The following PPM1B variants were observed in gnomAD, a reference collection of about 807,000 sequenced individuals.
PPM1B encodes protein phosphatase 1B.
PPM1B carries 22 observed loss-of-function variants against 43.0 expected under a neutral mutation model. The observed-to-expected ratio is 0.51, with a 90% CI of 0.37 to 0.73. The LOEUF (loss-of-function observed/expected upper bound fraction) is 0.73. PPM1B is among the 30% of genes least tolerant of loss of function. PPM1B has a pLI of 0.00. For missense variants in PPM1B, 632 were observed against 584.2 expected (o/e 1.08, Z -0.84); for synonymous variants, 217 against 197.9 (o/e 1.10, Z -0.81).
At chr2:44,185,297 A>G (rs1246792719) in intron 1 of PPM1B, among the ~76,000 whole-genome samples, 2 of 152,146 alleles carry the variant, frequency 1.3e-5, no homozygotes, top group African/African-American at 2.4e-5. Context: ...ACCTTGCCCT[A>G]TGTTGAGAAC....
downstream of PPM1B, among the ~76,000 whole-genome samples, chr2:44,237,375 C>T (rs887660083): frequency 1.3e-5 from 2 of 152,226 alleles, no homozygotes; most frequent in Non-Finnish European, 2.9e-5. Flanking sequence ...CCATTTCTCA[C>T]TTCCTGCTGG....
intron 1 of PPM1B, among the ~76,000 whole-genome samples, chr2:44,174,765 T>C (rs1356258216): frequency 4.6e-5 from 7 of 152,224 alleles, no homozygotes; most frequent in Non-Finnish European, 1.0e-4. Context: ...ATTGTAGGTA[T>C]CAAGAGCACT....
At chr2:44,183,966 C>G (rs1668007322) in intron 1 of PPM1B, among the ~76,000 whole-genome samples, 1 of 152,160 alleles carries the variant, frequency 6.6e-6, no homozygotes, top group South Asian at 2.1e-4. Flanking sequence ...TCTCGATCTC[C>G]TGACCTCGTG....
Position 44,201,149 on chromosome 2 carries a change from A to C in PPM1B, c.-14-37A>C, listed in dbSNP as rs556346043. 2 of 1,519,854 alleles carry C rather than the reference A, an allele frequency of 1.3e-6. 1 individual carries two copies. Among genetic ancestry groups the C allele is most frequent in the South Asian group, 2.6e-5 (2 of 75,810 alleles). 94.1% of individuals were successfully genotyped at this position (1,519,854 alleles called of 1,614,324 possible). ...GAATATTGTACATACATTTTCTGTC[A>C]AATTTAAACATTTAACACCTGCATT... On this transcript the variant is annotated intron_variant, in intron 1 of 5. Transcript: ENST00000282412. The surrounding 1 kb of genome is among the most constrained non-coding windows in gnomAD (Gnocchi z 5.4).
At chr2:44,178,898 A>C (rs930396271) in intron 1 of PPM1B, among the ~76,000 whole-genome samples, 13 of 152,224 alleles carry the variant, frequency 8.5e-5, no homozygotes, top group Non-Finnish European at 4.4e-5. Flanking sequence ...TATTTAATCC[A>C]GTATTTCCAA....
chr2:44,205,056 C>G (rs1273047373), intron 2 of PPM1B, among the ~76,000 whole-genome samples: 2 of 152,098 alleles, frequency 1.3e-5, no homozygotes, highest in African/African-American at 2.4e-5. Context: ...TTACTGCCAA[C>G]TAATTTCGGG....
At chr2:44,185,614 T>C (rs1668082426) in intron 1 of PPM1B, among the ~76,000 whole-genome samples, 1 of 152,250 alleles carries the variant, frequency 6.6e-6, no homozygotes, top group Admixed American at 6.5e-5. Context: ...ATTATTCTTG[T>C]ATCTGGGGTC....
chr2:44,212,884 G>A (rs1669543600), intron 3 of PPM1B, among the ~76,000 whole-genome samples: 2 of 151,738 alleles, frequency 1.3e-5, no homozygotes, highest in South Asian at 4.2e-4. Context: ...GTGGTGGTGG[G>A]CGCCTGTAGT....
chr2:44,221,115 A>G (rs752652684), intron 5 of PPM1B, among the ~76,000 whole-genome samples: 3 of 152,230 alleles, frequency 2.0e-5, no homozygotes, highest in Admixed American at 1.3e-4. Flanking sequence ...AACATTTACC[A>G]TATTAGATTA....
intron 5 of PPM1B, among the ~76,000 whole-genome samples, chr2:44,226,201 T>C (rs1018376988): frequency 6.6e-5 from 10 of 151,982 alleles, no homozygotes; most frequent in Admixed American, 3.3e-4. Context: ...GGTGTCCATC[T>C]CTTGACCTCA....
chr2:44,198,176 T>G (rs867107676), intron 1 of PPM1B, among the ~76,000 whole-genome samples: 4 of 152,170 alleles, frequency 2.6e-5, no homozygotes, highest in African/African-American at 9.7e-5. Context: ...TTTGTTTGTT[T>G]TTGAGACGGA....
At position 44,209,272 on chromosome 2, in the gene PPM1B, T is replaced by G; in HGVS notation, c.909T>G (p.Asp303Glu). The change falls in exon 3 of 6, where the codon GAT becomes GAG. Residue 303 changes from aspartate to glutamate, a missense_variant. Around this residue, in one of 3 missense-constraint regions of PPM1B, gnomAD observed 392 missense variants for 302.7 expected, o/e 1.29. Transcript: ENST00000282412. ...TTTCAAATGCTCCCAAGGTCTCAGA[T>G]GAAGCGGTGAAAAAAGATTCAGAGT... ...VCFSNAPKVS[D>E]EAVKKDSELD... The G allele has an allele frequency of 2.5e-6, 4 of 1,614,062 alleles. 1 individual carries two copies. In the Middle Eastern group the frequency reaches 4.9e-4, roughly 200 times the overall value.
exon 6 of PPM1B, chr2:44,244,353 A>G: frequency 7.4e-7 from 1 of 1,358,554 alleles, no homozygotes. Flanking sequence ...GTAAACCCGA[A>G]CGAAAAATAA....
chr2:44,214,448 A>G (rs982827236), intron 3 of PPM1B, among the ~76,000 whole-genome samples: 13 of 150,548 alleles, frequency 8.6e-5, no homozygotes, highest in African/African-American at 2.9e-4. Context: ...GGTAAGGCAG[A>G]TATTTTTTCG....
chr2:44,170,243 A>T lies in PPM1B; in HGVS notation c.-15+969A>T, dbSNP rs563376195. 7.9e-5 allele frequency among the ~76,000 whole-genome samples: 12 copies of T among 152,340 alleles called. No individual in the cohort carries two copies. In the South Asian group the frequency reaches 2.3e-3, roughly 29 times the overall value. On this transcript the variant is annotated intron_variant, in intron 1 of 5. Transcript: ENST00000282412. ...CAATATTCAATTTCTTCTAAGAACA[A>T]CTTGAAAACTTTTTTAAAAAGAGAC...
Position 44,230,746 on chromosome 2 carries a change from T to A in PPM1B, c.*28T>A, listed in dbSNP as rs756564852. 2 of 1,594,006 alleles carry A rather than the reference T, an allele frequency of 1.3e-6. No homozygotes were observed. The highest frequency in any genetic ancestry group is 1.3e-5 in the African/African-American group (1 of 74,404). On this transcript the variant is annotated 3_prime_UTR_variant, in exon 6 of 6. Coordinates refer to ENST00000282412, the MANE Select transcript of PPM1B (RefSeq NM_002706.6). Reference sequence around the variant, plus strand: ...TTCCTTTTTGGTAATATTTTTGTGATCTTTGATGGTTTTTAACCTAGGAAG... The same window carrying A: ...TTCCTTTTTGGTAATATTTTTGTGAACTTTGATGGTTTTTAACCTAGGAAG...
intron 1 of PPM1B, among the ~76,000 whole-genome samples, chr2:44,198,122 T>A (rs1360782751): frequency 6.6e-6 from 1 of 152,124 alleles, no homozygotes; most frequent in Non-Finnish European, 1.5e-5. Flanking sequence ...GAGGAGAATT[T>A]TGAAGTATTT....
At chr2:44,220,450 G>A (rs1310799086) in intron 5 of PPM1B, among the ~76,000 whole-genome samples, 1 of 152,082 alleles carries the variant, frequency 6.6e-6, no homozygotes, top group Non-Finnish European at 1.5e-5. Flanking sequence ...AAACTGGGGG[G>A]AAATGCTCAA....
intron 1 of PPM1B, among the ~76,000 whole-genome samples, chr2:44,169,704 C>T (rs1667230464): frequency 6.6e-6 from 1 of 152,244 alleles, no homozygotes; most frequent in Non-Finnish European, 1.5e-5. Context: ...TCAGCTTCTG[C>T]CCTACTCTGC....
Sources: gnomAD v4.1 joint callset for allele counts (sites outside exome capture counted in the v4.1 genomes callset) on GRCh38, gnomAD v4.1.1 for gene constraint, gnomAD v4.1.1 regional missense constraint, Gnocchi (gnomAD v3.1) non-coding constraint, MANE v1.5 for transcripts, NCBI Gene and HGNC (gene_info 2026-07-23, HGNC 2026-07-21) for gene names.